Variants in GBGT1 observed in about 807,000 individuals in gnomAD.
GBGT1 encodes globoside alpha-1,3-N-acetylgalactosaminyltransferase 1 (FORS blood group).
A neutral mutation model predicts 20.9 loss-of-function variants in GBGT1; 18 were observed. That is an observed-to-expected ratio of 0.86 (90% confidence interval 0.60 to 1.28). The LOEUF (loss-of-function observed/expected upper bound fraction) is 1.28, where lower values mean the gene tolerates loss of function less well. GBGT1 is among the 50% of genes most tolerant of loss of function. The pLI is 0.00. For synonymous variants in GBGT1, 168 were observed against 180.8 expected, an observed-to-expected ratio of 0.93 and a Z score of 0.57; for missense variants, 432 against 455.7, an observed-to-expected ratio of 0.95 and a Z score of 0.47.
Position 133,156,014 on chromosome 9 carries a change from C to G in GBGT1, c.188+1G>C. On this transcript the variant is annotated splice_donor_variant, in intron 4 of 6. Coordinates refer to ENST00000372040, the MANE Select transcript of GBGT1 (RefSeq NM_021996.6). LOFTEE classifies it high-confidence loss of function. Reference sequence around the variant, plus strand: ...AAAAGAGGAAATGCCAGTCTCCTTACCATACCACGGGCTGGAGTGGCTTCT... The same window carrying G: ...AAAAGAGGAAATGCCAGTCTCCTTAGCATACCACGGGCTGGAGTGGCTTCT... The G allele has an allele frequency of 6.2e-7, 1 of 1,614,094 alleles. No individual in the cohort carries two copies.
chr9:133,154,313 C>G lies in GBGT1; in HGVS notation c.360-52G>C. ...TGCTACACCAGCAGCCTGCCAGGGT[C>G]CCCACTGTGTGCTGGGGTCAGCCAG... On this transcript the variant is annotated intron_variant, in intron 6 of 6. Coordinates refer to ENST00000372040, the MANE Select transcript of GBGT1 (RefSeq NM_021996.6). This position sits in a 1 kb window ranked among gnomAD's most constrained non-coding sequence, Gnocchi z 4.2. 8.2e-7 allele frequency: 1 copy of G among 1,213,268 alleles called. No individual in the cohort carries two copies. The highest frequency in any genetic ancestry group is 1.5e-5 in the South Asian group (1 of 65,878). 75.2% of individuals were successfully genotyped at this position (1,213,268 alleles called of 1,614,324 possible).
At chr9:133,155,484 G>T in intron 5 of GBGT1, 172 bp from the exon 6 acceptor site, 1 of 690,928 alleles carries the variant, frequency 1.4e-6, no homozygotes, top group Non-Finnish European at 2.4e-6. Flanking sequence ...AGCAGGGTTG[G>T]GAGTACCAGG....
At chr9:133,161,168 A>G (rs961023028) in intron 3 of GBGT1, 18 of 408,810 alleles carry the variant, frequency 4.4e-5, no homozygotes, top group Non-Finnish European at 7.3e-5. Flanking sequence ...CAGGCTGTTT[A>G]TGGGCATCTT....
Position 133,155,122 on chromosome 9 carries a change from T to C in GBGT1, c.359+56A>G, listed in dbSNP as rs545781287. On this transcript the variant is annotated intron_variant, in intron 6 of 6. Coordinates refer to ENST00000372040, the MANE Select transcript of GBGT1 (RefSeq NM_021996.6). ...ACGTCTGGTCTGGTCTCTTCCCAAC[T>C]ATAAACTCCTGTGGCTCAGGGAGAC... The C allele has an allele frequency of 4.3e-5, 66 of 1,543,408 alleles. No homozygotes were observed. In the South Asian group the frequency reaches 6.6e-4, roughly 15 times the overall value.
intron 3 of GBGT1, among the ~76,000 whole-genome samples, chr9:133,160,550 C>T (rs57858023): frequency 0.026 from 3,993 of 152,152 alleles, 187 homozygotes; most frequent in African/African-American, 0.091. Flanking sequence ...ACTAAGGGAA[C>T]ATATCTGAAC....
intron 2 of GBGT1, 137 bp from the exon 3 acceptor site, chr9:133,161,669 C>G (rs1028593618): frequency 3.3e-6 from 2 of 610,044 alleles, no homozygotes; most frequent in Non-Finnish European, 5.7e-6. Context: ...TTCTGTAGGT[C>G]TGGCTGACCT....
At position 133,153,553 on chromosome 9, in the gene GBGT1, C is replaced by A. The variant is rs779049856; in HGVS notation, c.*24G>T. 4 of 1,494,752 alleles carry A rather than the reference C, an allele frequency of 2.7e-6. No homozygotes were observed. Among genetic ancestry groups the A allele is most frequent in the South Asian group, 1.3e-5 (1 of 74,834 alleles). The allele number at this position is 1,494,752 out of a possible 1,614,324, so 92.6% of individuals were successfully genotyped here. A position where few individuals can be genotyped will look rare whatever the true frequency, so the allele number is the denominator to read the frequency against. ...TGGCTGCAGGTCTTTGGGTCCCCAT[C>A]CATGGCAACCCCCAGCTCCGTGGTC... is the stretch of plus-strand genomic sequence containing the variant. On this transcript the variant is annotated 3_prime_UTR_variant, in exon 7 of 7. Coordinates refer to ENST00000372040, the MANE Select transcript of GBGT1 (RefSeq NM_021996.6).
intron 6 of GBGT1, 166 bp downstream of exon 6, chr9:133,155,012 C>T (rs1231917218): frequency 6.6e-6 from 4 of 603,418 alleles, no homozygotes; most frequent in Non-Finnish European, 1.2e-5. Flanking sequence ...AAGCTCCCAT[C>T]CCACTATCAC....
chr9:133,156,160 G>A, intron 3 of GBGT1, 95 bp from the exon 4 acceptor site: 4 of 1,387,176 alleles, frequency 2.9e-6, no homozygotes, highest in Non-Finnish European at 3.0e-6. Flanking sequence ...CCTGCGGGTG[G>A]GCACCCAGGG....
At chr9:133,155,768 T>C (rs145977218) in intron 5 of GBGT1, 133 bp downstream of exon 5, 451 of 928,202 alleles carry the variant, frequency 4.9e-4, no homozygotes, top group Middle Eastern at 1.7e-3. Context: ...CCCAGCCCTG[T>C]GTCTTTCCAC....
Position 133,155,286 on chromosome 9 carries a change from GGT to G in GBGT1, c.249_250del (p.Pro84LeufsTer65). The G allele has an allele frequency of 6.2e-7, 1 of 1,613,922 alleles. No individual in the cohort carries two copies. The highest frequency in any genetic ancestry group is 8.5e-7 in the Non-Finnish European group (1 of 1,179,914). ...CTCGGAGACGATGGGCGCCAACCAGGGTGTGAGTGTCAGCAGCTGTGTGGGCC... is the reference window on the plus strand; with the variant it reads ...CTCGGAGACGATGGGCGCCAACCAGGGTGAGTGTCAGCAGCTGTGTGGGCC... On this transcript the variant is annotated frameshift_variant, in exon 6 of 7. Coordinates refer to ENST00000372040, the MANE Select transcript of GBGT1 (RefSeq NM_021996.6). LOFTEE classifies it high-confidence loss of function.
chr9:133,153,092 G>C lies in GBGT1; in HGVS notation c.*485C>G, dbSNP rs1216016144. On this transcript the variant is annotated 3_prime_UTR_variant, in exon 7 of 7. Transcript: ENST00000372040. ...CTGTTCCATTTCAAAGGCTCACTCT[G>C]GGGGCCTGAGTGAGGAATTGGCTAC... is the stretch of plus-strand genomic sequence containing the variant. 1 of 152,532 alleles carries C rather than the reference G, an allele frequency of 6.6e-6. No individual in the cohort carries two copies. Among genetic ancestry groups the C allele is most frequent in the Non-Finnish European group, 1.5e-5 (1 of 68,346 alleles). 9.4% of individuals were successfully genotyped at this position (152,532 alleles called of 1,614,324 possible).
At chr9:133,158,211 A>G (rs1336690501) in intron 3 of GBGT1, among the ~76,000 whole-genome samples, 4 of 152,224 alleles carry the variant, frequency 2.6e-5, no homozygotes, top group African/African-American at 9.6e-5. Flanking sequence ...GTCCCCAGGC[A>G]GAAGCTCATA....
intron 3 of GBGT1, among the ~76,000 whole-genome samples, chr9:133,156,292 C>T (rs1488781618): frequency 6.6e-6 from 1 of 152,158 alleles, no homozygotes; most frequent in African/African-American, 2.4e-5. Flanking sequence ...GGCAGTGATT[C>T]GAACCCAGTG....
chr9:133,160,310 T>TAATAATAATAATAAA lies in GBGT1; in HGVS notation c.137+1156_137+1157insTTTATTATTATTATT, dbSNP rs1554748595. On this transcript the variant is annotated intron_variant, in intron 3 of 6. Coordinates refer to ENST00000372040, the MANE Select transcript of GBGT1 (RefSeq NM_021996.6). ...ATAATAATAATAATAATAATAATAA[T>TAATAATAATAATAAA]AAATAAAATTTATACCAAAGAGGAT... 6.2e-5 allele frequency: 9 copies of TAATAATAATAATAAA among 144,966 alleles called. No homozygotes were observed. The East Asian group carries it at 1.2e-3, about 19-fold the overall frequency. 9.0% of individuals were successfully genotyped at this position (144,966 alleles called of 1,614,324 possible).
At chr9:133,158,777 T>A (rs1017756596) in intron 3 of GBGT1, among the ~76,000 whole-genome samples, 2 of 152,158 alleles carry the variant, frequency 1.3e-5, no homozygotes, top group Non-Finnish European at 2.9e-5. Context: ...AACATTTGTG[T>A]CCAGAACTTT....
At chr9:133,161,944 G>A (rs572675990) in intron 2 of GBGT1, among the ~76,000 whole-genome samples, 2 of 152,210 alleles carry the variant, frequency 1.3e-5, no homozygotes, top group Non-Finnish European at 2.9e-5. Flanking sequence ...CAAAGGCCAG[G>A]AGGCCAGTAC....
At chr9:133,155,625 G>C (rs560599170) in intron 5 of GBGT1, among the ~76,000 whole-genome samples, 1 of 152,200 alleles carries the variant, frequency 6.6e-6, no homozygotes, top group Non-Finnish European at 1.5e-5. Context: ...GTGCAAGCAC[G>C]GTGCAGATGT....
chr9:133,155,928 T>C lies in GBGT1; in HGVS notation c.197A>G (p.Tyr66Cys), dbSNP rs117595304. 6,786 of 1,614,064 alleles carry C rather than the reference T, an allele frequency of 4.2e-3. 14 individuals carry two copies. Among genetic ancestry groups the C allele is most frequent in the Non-Finnish European group, 5.2e-3 (6,097 of 1,179,996 alleles). ...GTGCTCCAGCAGCTTGGGCTGAGGG[T>C]ACTGTGACCTGCAACCAAGAAGGAC... is the stretch of plus-strand genomic sequence containing the variant. ...KPLQPVVWSQYPQPKLLEHRP... is the reference protein window; with the variant it reads ...KPLQPVVWSQCPQPKLLEHRP... Residue 66 changes from tyrosine to cysteine, a missense_variant, in exon 5 of 7, where the codon TAC becomes TGC. By Grantham distance (194) the Tyr-to-Cys change is radical. Coordinates refer to ENST00000372040, the MANE Select transcript of GBGT1 (RefSeq NM_021996.6).
Sources: allele counts gnomAD v4.1 joint callset (sites outside exome capture counted in the v4.1 genomes callset), GRCh38; gene constraint gnomAD v4.1.1; non-coding constraint Gnocchi (gnomAD v3.1); transcripts MANE v1.5; gene names NCBI Gene and HGNC (gene_info 2026-07-23, HGNC 2026-07-21).